Variants in STK32C observed in about 807,000 individuals in gnomAD.
STK32C encodes the protein serine/threonine kinase 32C, also known as serine/threonine-protein kinase 32C.
In STK32C, 31 loss-of-function variants were observed where a neutral mutation model predicts 56.5. The observed-to-expected ratio is 0.55, with a 90% CI of 0.41 to 0.74. The LOEUF (loss-of-function observed/expected upper bound fraction) is 0.74, where lower values mean the gene tolerates loss of function less well. STK32C is among the 30% of genes least tolerant of loss of function. The pLI, the probability that STK32C is intolerant of heterozygous loss-of-function variation, is 0.00. For missense variants in STK32C, 544 were observed against 676.9 expected (o/e 0.80, Z 2.18); for synonymous variants, 309 against 289.4 (o/e 1.07, Z -0.69).
intron 11 of STK32C, 95 bp from the exon 12 acceptor site, chr10:132,208,246 G>T: frequency 8.0e-7 from 1 of 1,245,856 alleles, no homozygotes; most frequent in African/African-American, 1.5e-5. Flanking sequence ...GTAGGCCATG[G>T]CGTGGATGCC....
intron 1 of STK32C, among the ~76,000 whole-genome samples, chr10:132,282,327 T>C (rs1397996126): frequency 6.6e-6 from 1 of 152,240 alleles, no homozygotes; most frequent in Non-Finnish European, 1.5e-5. Context: ...CTGCTGGAAC[T>C]GGAATAAAGT....
intron 10 of STK32C, among the ~76,000 whole-genome samples, chr10:132,218,135 G>A (rs1407339108): frequency 2.6e-5 from 4 of 152,094 alleles, no homozygotes; most frequent in African/African-American, 9.7e-5. Flanking sequence ...ACAACATAGT[G>A]AGACCCTGTC....
intron 1 of STK32C, among the ~76,000 whole-genome samples, chr10:132,286,125 CAAA>C (rs540022059): frequency 8.8e-6 from 1 of 113,166 alleles, no homozygotes. Context: ...GACTCTGTCT[CAAA>C]AAAAAAAAAA....
At chr10:132,295,272 A>T (rs2065703170) in intron 1 of STK32C, among the ~76,000 whole-genome samples, 1 of 152,118 alleles carries the variant, frequency 6.6e-6, no homozygotes, top group Non-Finnish European at 1.5e-5. Flanking sequence ...CCTCCTAACA[A>T]AGAAACCAGG....
At chr10:132,269,109 G>C (rs2064724965) in intron 1 of STK32C, among the ~76,000 whole-genome samples, 1 of 150,822 alleles carries the variant, frequency 6.6e-6, no homozygotes, top group Non-Finnish European at 1.5e-5. Context: ...CACATCGTGT[G>C]TGTGTGTGCC....
intron 1 of STK32C, among the ~76,000 whole-genome samples, chr10:132,295,831 C>T (rs979600522): frequency 1.3e-5 from 2 of 151,920 alleles, no homozygotes; most frequent in South Asian, 2.1e-4. Context: ...TGCAGTGAGC[C>T]GAGGTTGTGC....
At chr10:132,331,823 C>T (rs1157604698) in exon 1 of STK32C, 3 of 1,551,826 alleles carry the variant, frequency 1.9e-6, no homozygotes, top group Admixed American at 1.9e-5. Context: ...ACCACCCCTT[C>T]AAGGCCGCGG....
chr10:132,237,039 G>A (rs1006417088), intron 2 of STK32C, among the ~76,000 whole-genome samples: 2 of 152,232 alleles, frequency 1.3e-5, no homozygotes, highest in Non-Finnish European at 1.5e-5. Flanking sequence ...CGACGAGGCC[G>A]GCCCTCAGGG....
chr10:132,326,926 A>G (rs2066510810), intron 1 of STK32C, among the ~76,000 whole-genome samples: 1 of 152,202 alleles, frequency 6.6e-6, no homozygotes, highest in Admixed American at 6.5e-5. Flanking sequence ...TAATTACTGG[A>G]AAAACATCAC....
chr10:132,327,076 G>A lies in STK32C; in HGVS notation c.302-2703C>T, dbSNP rs550424218. Among the ~76,000 whole-genome samples, 4 of 152,280 alleles carry A rather than the reference G, an allele frequency of 2.6e-5. No homozygotes were observed. In the South Asian group the frequency reaches 8.3e-4, roughly 32 times the overall value. ...CAAGTTCAAGCTTAGAGGCTGATAC[G>A]GTTTGGCTGTGTCTCCACTCAAATC... On this transcript the variant is annotated intron_variant, in intron 1 of 1. Coordinates refer to the STK32C transcript ENST00000368619.
chr10:132,269,093 G>A lies in STK32C; in HGVS notation c.263-23138C>T, dbSNP rs569317629. On this transcript the variant is annotated intron_variant, in intron 1 of 11. Transcript: ENST00000298630. ...TGTATGCAGGTGCAGCTGTGCCTGC[G>A]TGCGTCACATCGTGTGTGTGTGTGC... is the stretch of plus-strand genomic sequence containing the variant. 5.7e-4 allele frequency among the ~76,000 whole-genome samples: 86 copies of A among 150,824 alleles called. 3 individuals carry two copies. In the South Asian group the frequency reaches 0.018, roughly 31 times the overall value.
At chr10:132,249,088 G>C in intron 1 of STK32C, 1 of 477,902 alleles carries the variant, frequency 2.1e-6, no homozygotes. Context: ...CTCCCAGCTG[G>C]GAGGCAGCAG....
intron 2 of STK32C, among the ~76,000 whole-genome samples, chr10:132,241,604 A>G (rs2063501920): frequency 6.6e-6 from 1 of 152,244 alleles, no homozygotes; most frequent in African/African-American, 2.4e-5. Context: ...CGACCTTGAC[A>G]AGACGTATTC....
intron 2 of STK32C, among the ~76,000 whole-genome samples, chr10:132,230,860 G>A (rs1461177171): frequency 1.3e-5 from 2 of 152,228 alleles, no homozygotes; most frequent in African/African-American, 2.4e-5. Flanking sequence ...TGCTCACGAT[G>A]CAGCTCAGCT....
chr10:132,239,590 G>A (rs1170665735), intron 2 of STK32C, among the ~76,000 whole-genome samples: 2 of 152,240 alleles, frequency 1.3e-5, no homozygotes, highest in African/African-American at 4.8e-5. Context: ...GGCTGGTGAG[G>A]AAACCAGAGC....
At chr10:132,219,422 C>T (rs960446732) in intron 10 of STK32C, among the ~76,000 whole-genome samples, 1 of 152,122 alleles carries the variant, frequency 6.6e-6, no homozygotes, top group Non-Finnish European at 1.5e-5. Context: ...CCTGGGAACT[C>T]AGCATGGCCA....
At chr10:132,299,030 C>T (rs1460602572) in intron 1 of STK32C, among the ~76,000 whole-genome samples, 2 of 152,170 alleles carry the variant, frequency 1.3e-5, no homozygotes, top group East Asian at 3.8e-4. Context: ...GACCCCAGAA[C>T]AAGACCCAGC....
intron 1 of STK32C, among the ~76,000 whole-genome samples, chr10:132,248,023 C>T (rs2063750271): frequency 6.6e-6 from 1 of 152,150 alleles, no homozygotes; most frequent in Non-Finnish European, 1.5e-5. Context: ...AGCCCCCGTT[C>T]CAGGCGGCAG....
At chr10:132,208,266 G>GC in intron 11 of STK32C, 115 bp from the exon 12 acceptor site, 2 of 1,196,248 alleles carry the variant, frequency 1.7e-6, no homozygotes, top group Non-Finnish European at 2.1e-6. Flanking sequence ...CCAAACGTGG[G>GC]CCACAGGCTC....
Sources: gnomAD v4.1 joint callset for allele counts (sites outside exome capture counted in the v4.1 genomes callset) on GRCh38, gnomAD v4.1.1 for gene constraint, MANE v1.5 for transcripts, NCBI Gene and HGNC (gene_info 2026-07-23, HGNC 2026-07-21) for gene names.